Variants in TMEM178B observed in about 807,000 individuals in gnomAD.
TMEM178B encodes transmembrane protein 178B.
A neutral mutation model predicts 31.0 loss-of-function variants in TMEM178B; 5 were observed. The ratio of observed to expected loss-of-function variants is 0.16; its 90% confidence interval spans 0.08 to 0.34. The LOEUF is 0.34. Among genes scored for constraint, TMEM178B ranks in the 10% least tolerant of loss-of-function variants. The pLI is 1.00. For missense variants in TMEM178B, 275 were observed against 400.3 expected, an observed-to-expected ratio of 0.69 and a Z score of 2.67; for synonymous variants, 164 against 164.0, an observed-to-expected ratio of 1.00 and a Z score of 0.00.
At chr7:141,220,597 C>T (rs1797242621) in intron 2 of TMEM178B, among the ~76,000 whole-genome samples, 1 of 152,072 alleles carries the variant, frequency 6.6e-6, no homozygotes, top group South Asian at 2.1e-4. Context: ...ACATCCACGT[C>T]CTGAACAAAA....
downstream of TMEM178B, among the ~76,000 whole-genome samples, chr7:141,485,155 G>C (rs564455718): frequency 2.0e-5 from 3 of 152,274 alleles, no homozygotes; most frequent in Admixed American, 2.0e-4. Context: ...TCACAGGAGA[G>C]GAGCTTGCTT....
chr7:141,314,702 T>C (rs1798972205), intron 2 of TMEM178B, among the ~76,000 whole-genome samples: 1 of 152,210 alleles, frequency 6.6e-6, no homozygotes, highest in African/African-American at 2.4e-5. Context: ...CTTGCTTCTC[T>C]TCTACCTTTA....
chr7:141,086,327 C>G (rs964491933), intron 1 of TMEM178B, among the ~76,000 whole-genome samples: 3 of 152,126 alleles, frequency 2.0e-5, no homozygotes, highest in African/African-American at 7.2e-5. Flanking sequence ...GCCATCATGC[C>G]TGATCCAATT....
At chr7:141,396,557 G>A (rs745955908) in intron 2 of TMEM178B, among the ~76,000 whole-genome samples, 29 of 152,174 alleles carry the variant, frequency 1.9e-4, no homozygotes, top group Non-Finnish European at 3.4e-4. Flanking sequence ...AGGCGACAGC[G>A]CTGGGACTAG....
intron 2 of TMEM178B, among the ~76,000 whole-genome samples, chr7:141,240,472 A>C (rs1414871249): frequency 6.6e-6 from 1 of 152,242 alleles, no homozygotes; most frequent in Admixed American, 6.5e-5. Flanking sequence ...AAAGTAGAAT[A>C]TTCTTGTCTC....
intron 2 of TMEM178B, among the ~76,000 whole-genome samples, chr7:141,247,477 G>A (rs1342032207): frequency 6.6e-6 from 1 of 152,132 alleles, no homozygotes; most frequent in Admixed American, 6.6e-5. Flanking sequence ...TAAGATCACA[G>A]GTTCTGCTCG....
chr7:141,293,181 C>T (rs1444506223), intron 2 of TMEM178B, among the ~76,000 whole-genome samples: 2 of 152,110 alleles, frequency 1.3e-5, no homozygotes, highest in African/African-American at 4.8e-5. Context: ...CTTGAAATGG[C>T]CTCAAAGATA....
rs546384714 is a variant in TMEM178B, at chr7:141,342,413, CA to C, written c.497-95188del. Among the ~76,000 whole-genome samples the C allele has an allele frequency of 1.1e-3, 169 of 152,228 alleles. 1 individual carries two copies. Among genetic ancestry groups the C allele is most frequent in the Admixed American group, 7.6e-3 (116 of 15,294 alleles). On this transcript the variant is annotated intron_variant, in intron 2 of 3. Coordinates refer to ENST00000565468, the MANE Select transcript of TMEM178B (RefSeq NM_001195278.2). Reference sequence around the variant, plus strand: ...GAATCCTTTGTTAAAAATGCATATTCAAAAAAATTCGTTTTCTCAGAACCCC... The same window carrying C: ...GAATCCTTTGTTAAAAATGCATATTCAAAAAATTCGTTTTCTCAGAACCCC...
chr7:141,112,344 C>T (rs934833767), intron 1 of TMEM178B, among the ~76,000 whole-genome samples: 3 of 152,112 alleles, frequency 2.0e-5, no homozygotes, highest in African/African-American at 7.2e-5. Flanking sequence ...CCTTGATTTC[C>T]TGGGCTCAAG....
chr7:141,459,647 G>A (rs1001592407), intron 3 of TMEM178B, among the ~76,000 whole-genome samples: 1 of 152,238 alleles, frequency 6.6e-6, no homozygotes, highest in East Asian at 1.9e-4. Flanking sequence ...CAAAGACTGT[G>A]TAGACTGCAT....
chr7:141,098,139 CATGTTCCCTT>C (rs1794996435), intron 1 of TMEM178B, among the ~76,000 whole-genome samples: 1 of 152,176 alleles, frequency 6.6e-6, no homozygotes, highest in African/African-American at 2.4e-5. Context: ...CACCATTCTA[CATGTTCCCTT>C]ACCAAAAATA....
intron 2 of TMEM178B, among the ~76,000 whole-genome samples, chr7:141,435,839 C>T (rs529061089): frequency 5.9e-5 from 9 of 152,314 alleles, no homozygotes; most frequent in Non-Finnish European, 1.0e-4. Flanking sequence ...ACAGGCATCC[C>T]GGGTCAGCCA....
intron 2 of TMEM178B, among the ~76,000 whole-genome samples, chr7:141,405,577 T>G (rs572482885): frequency 1.4e-4 from 21 of 152,366 alleles, no homozygotes; most frequent in Middle Eastern, 3.4e-3. Context: ...GGATTAATTA[T>G]GTGGTGATTA....
chr7:141,411,359 A>G (rs1484376248), intron 2 of TMEM178B, among the ~76,000 whole-genome samples: 1 of 152,190 alleles, frequency 6.6e-6, no homozygotes, highest in Non-Finnish European at 1.5e-5. Context: ...ATGGTTGCGC[A>G]ACAGTATGAA....
At chr7:141,109,127 T>C (rs1429581720) in intron 1 of TMEM178B, among the ~76,000 whole-genome samples, 1 of 152,094 alleles carries the variant, frequency 6.6e-6, no homozygotes, top group East Asian at 1.9e-4. Context: ...GTGGGAATTA[T>C]GGGAGTACAA....
chr7:141,378,744 T>C (rs973558463), intron 2 of TMEM178B, among the ~76,000 whole-genome samples: 1 of 152,176 alleles, frequency 6.6e-6, no homozygotes, highest in Non-Finnish European at 1.5e-5. Context: ...AGAGGGGCTA[T>C]TTTTTATTTC....
intron 3 of TMEM178B, among the ~76,000 whole-genome samples, chr7:141,459,455 C>T (rs921916143): frequency 2.0e-5 from 3 of 152,182 alleles, no homozygotes; most frequent in African/African-American, 4.8e-5. Context: ...TTGAGAAATT[C>T]ACAGGCTGGC....
intron 3 of TMEM178B, among the ~76,000 whole-genome samples, chr7:141,444,351 A>G (rs993831688): frequency 1.1e-4 from 16 of 152,350 alleles, no homozygotes; most frequent in African/African-American, 2.9e-4. Context: ...GAACAAATAT[A>G]TAGGAAAAGT....
At chr7:141,436,610 G>A (rs1280987650) in intron 2 of TMEM178B, among the ~76,000 whole-genome samples, 1 of 152,018 alleles carries the variant, frequency 6.6e-6, no homozygotes, top group Admixed American at 6.5e-5. Flanking sequence ...GGTGATGGAT[G>A]AGGAAAGTGT....
Sources: allele counts gnomAD v4.1 joint callset (sites outside exome capture counted in the v4.1 genomes callset), GRCh38; gene constraint gnomAD v4.1.1; transcripts MANE v1.5; gene names NCBI Gene and HGNC (gene_info 2026-07-23, HGNC 2026-07-21).